The following SPTBN1 variants were observed in gnomAD, a reference collection of about 807,000 sequenced individuals.
SPTBN1 encodes the protein spectrin beta chain, non-erythrocytic 1.
In SPTBN1, 32 loss-of-function variants were observed where a neutral mutation model predicts 266.4. The ratio of observed to expected loss-of-function variants is 0.12; its 90% CI spans 0.09 to 0.16. The LOEUF is 0.16. Among genes scored for constraint, SPTBN1 ranks in the 10% least tolerant of loss-of-function variants. SPTBN1 has a pLI of 1.00. For missense variants in SPTBN1, 2,296 were observed against 3,067.1 expected (o/e 0.75, Z 5.94); for synonymous variants, 1,336 against 1,162.2 (o/e 1.15, Z -3.04).
intron 1 of SPTBN1, among the ~76,000 whole-genome samples, chr2:54,518,446 A>G (rs1178173084): frequency 9.6e-6 from 1 of 104,468 alleles, no homozygotes; most frequent in Non-Finnish European, 1.9e-5. Context: ...TAGAACCTAA[A>G]GTATAATTAA....
chr2:54,565,581 C>T (rs79088750), intron 2 of SPTBN1, among the ~76,000 whole-genome samples: 3,510 of 152,176 alleles, frequency 0.023, 139 homozygotes, highest in African/African-American at 0.078. Context: ...GATAGTTCAG[C>T]AAGGCATCAA....
intron 2 of SPTBN1, among the ~76,000 whole-genome samples, chr2:54,570,047 A>G (rs1353753883): frequency 1.3e-5 from 2 of 150,714 alleles, no homozygotes; most frequent in African/African-American, 2.4e-5. Flanking sequence ...GAAGGTCACA[A>G]TGCTGGTTCC....
Position 54,656,004 on chromosome 2 carries a change from G to C in SPTBN1, c.6046+6G>C. On this transcript the variant is annotated splice_donor_region_variant and intron_variant, in intron 29 of 35. Coordinates refer to ENST00000356805, the MANE Select transcript of SPTBN1 (RefSeq NM_003128.3). The stretch of plus-strand genomic sequence containing the variant: ...ATGGGAATGGTTAAGACTGAGTAAG[G>C]ATGTAGTTTATCTTTCTGCTCTTTT... 1 of 1,608,942 alleles carries C rather than the reference G, an allele frequency of 6.2e-7. No individual in the cohort carries two copies.
At chr2:54,496,439 T>TTA (rs565974453) in intron 1 of SPTBN1, among the ~76,000 whole-genome samples, 18 of 126,358 alleles carry the variant, frequency 1.4e-4, no homozygotes, top group East Asian at 6.6e-4. Context: ...CTCCGTGTCT[T>TTA]AAAAAAAAAA....
chr2:54,637,785 C>T lies in SPTBN1; in HGVS notation c.3840C>T (p.Phe1280=), dbSNP rs781335449. The change falls in exon 18 of 36, where the codon TTC becomes TTT. Residue 1280 remains phenylalanine (F), a synonymous_variant. Coordinates refer to ENST00000356805, the MANE Select transcript of SPTBN1 (RefSeq NM_003128.3). ...AGGACAACAGGGATCTACAGAAATTCCTGCAAGATTGTCAAGAGGTATGTT... is the reference window on the plus strand; with the variant it reads ...AGGACAACAGGGATCTACAGAAATTTCTGCAAGATTGTCAAGAGGTATGTT... ...RLKDNRDLQK[F]LQDCQELSLW... is the part of the protein sequence containing the mutation. 2 of 1,613,716 alleles carry T rather than the reference C, an allele frequency of 1.2e-6. No homozygotes were observed. The highest frequency in any genetic ancestry group is 4.5e-5 in the East Asian group (2 of 44,870).
In SPTBN1 at chr2:54,646,415, T is replaced by C; in HGVS notation, c.4806T>C (p.Ala1602=). ...CCCAGCAGTACTACTTTGACGCTGC[T>C]GAGGCCGAAGCCTGGATGAGCGAGC... ...HRAQQYYFDA[A]EAEAWMSEQE... is the part of the protein sequence containing the mutation. The change falls in exon 23 of 36, where the codon GCT becomes GCC. Residue 1602 remains alanine (A), a synonymous_variant. Coordinates refer to ENST00000356805, the MANE Select transcript of SPTBN1 (RefSeq NM_003128.3). The surrounding 1 kb of genome is among the most constrained non-coding windows in gnomAD (Gnocchi z 4.4). 6.3e-7 allele frequency: 1 copy of C among 1,598,338 alleles called. No homozygotes were observed. Among genetic ancestry groups the C allele is most frequent in the Middle Eastern group, 1.7e-4 (1 of 5,734 alleles).
chr2:54,661,540 G>C (rs1056084614), intron 32 of SPTBN1: 1 of 985,706 alleles, frequency 1.0e-6, no homozygotes, highest in Middle Eastern at 5.2e-4. Flanking sequence ...TGGGTATATA[G>C]ATAGATGCCA....
At chr2:54,474,949 G>T (rs1477435292) in intron 1 of SPTBN1, among the ~76,000 whole-genome samples, 1 of 152,190 alleles carries the variant, frequency 6.6e-6, no homozygotes, top group African/African-American at 2.4e-5. Context: ...GAGGCGGGTA[G>T]ATTGCCTTCA....
chr2:54,606,133 C>G (rs1378022081), intron 3 of SPTBN1, among the ~76,000 whole-genome samples: 6 of 152,162 alleles, frequency 3.9e-5, no homozygotes, highest in Non-Finnish European at 8.8e-5. Flanking sequence ...ACTTTTTCTA[C>G]CGCATTCATT....
intron 2 of SPTBN1, among the ~76,000 whole-genome samples, chr2:54,559,645 C>T (rs1673144395): frequency 6.6e-6 from 1 of 152,134 alleles, no homozygotes; most frequent in Admixed American, 6.5e-5. Context: ...CCTCAGCTGT[C>T]CCTGCCCAGC....
intron 1 of SPTBN1, among the ~76,000 whole-genome samples, chr2:54,473,949 A>G (rs1466463112): frequency 1.3e-5 from 2 of 152,212 alleles, no homozygotes; most frequent in East Asian, 1.9e-4. Flanking sequence ...GAATTTGCTT[A>G]TATCTACTGG....
At chr2:54,604,801 C>T (rs571117572) in intron 3 of SPTBN1, among the ~76,000 whole-genome samples, 3 of 152,078 alleles carry the variant, frequency 2.0e-5, no homozygotes, top group Non-Finnish European at 4.4e-5. Context: ...ACACAGGAAT[C>T]CACGGACTGT....
chr2:54,560,044 TAGCTC>T (rs1045715007), intron 2 of SPTBN1, among the ~76,000 whole-genome samples: 1 of 152,208 alleles, frequency 6.6e-6, no homozygotes, highest in African/African-American at 2.4e-5. Context: ...CTCTGGCAGT[TAGCTC>T]AGAGGAAGCT....
At chr2:54,526,779 CAG>C (rs1323014575) in intron 2 of SPTBN1, 2 of 461,914 alleles carry the variant, frequency 4.3e-6, no homozygotes, top group South Asian at 4.8e-5. Context: ...ATTCAGAGCA[CAG>C]AGTGTTATTT....
rs1676732426 is a variant in SPTBN1 at position 54,604,860 on chromosome 2, T to TA, written c.300+5622dup. Among the ~76,000 whole-genome samples the TA allele has an allele frequency of 3.9e-5, 6 of 152,158 alleles. No individual in the cohort carries two copies. In the South Asian group the frequency reaches 1.0e-3, roughly 26 times the overall value. ...TTAAAATGATTTAAAGGAGGATCAG[T>TA]AAAAATAGGCATTTCCTCAGAGGAA... On this transcript the variant is annotated intron_variant, in intron 3 of 35. Transcript: ENST00000356805.
In SPTBN1 at chr2:54,558,483, G is replaced by A. The variant is rs916493806; in HGVS notation, c.148+31917G>A. The A allele has an allele frequency of 1.8e-6, 2 of 1,133,174 alleles. No individual in the cohort carries two copies. Among genetic ancestry groups the A allele is most frequent in the African/African-American group, 3.2e-5 (2 of 61,712 alleles). The allele number at this position is 1,133,174 out of a possible 1,614,324, so 70.2% of individuals were successfully genotyped here. A position where few individuals can be genotyped will look rare whatever the true frequency, so the allele number is the denominator to read the frequency against. On this transcript the variant is annotated intron_variant, in intron 2 of 35. Coordinates refer to ENST00000356805, the MANE Select transcript of SPTBN1 (RefSeq NM_003128.3). The surrounding 1 kb of genome is among the most constrained non-coding windows in gnomAD (Gnocchi z 4.6). ...ATTTAAAAGTTCTGAAGTAGAACCT[G>A]CGCCTCCTCTCTGCTTCTCCCTCCT...
intron 7 of SPTBN1, 24 bp downstream of exon 7, chr2:54,618,217 T>C: frequency 6.3e-7 from 1 of 1,599,620 alleles, no homozygotes; most frequent in Non-Finnish European, 8.6e-7. Flanking sequence ...GGATTACAGG[T>C]GGGATTTTTA....
chr2:54,639,126 A>G (rs1169737633), intron 18 of SPTBN1, among the ~76,000 whole-genome samples: 1 of 152,224 alleles, frequency 6.6e-6, no homozygotes, highest in Non-Finnish European at 1.5e-5. Flanking sequence ...AGTGACACGC[A>G]AGCATTAGTA....
intron 1 of SPTBN1, among the ~76,000 whole-genome samples, chr2:54,522,665 A>G (rs966071825): frequency 1.0e-5 from 1 of 98,644 alleles, no homozygotes; most frequent in African/African-American, 3.7e-5. Context: ...AGAAAGAGAG[A>G]GAGAGAGAGA....
Sources: gnomAD v4.1 joint callset for allele counts (sites outside exome capture counted in the v4.1 genomes callset) on GRCh38, gnomAD v4.1.1 for gene constraint, Gnocchi (gnomAD v3.1) non-coding constraint, MANE v1.5 for transcripts, NCBI Gene and HGNC (gene_info 2026-07-23, HGNC 2026-07-21) for gene names.